BCAS3: variants seen among roughly 807,000 people sequenced by gnomAD.
BCAS3 encodes the protein BCAS3 microtubule associated cell migration factor.
A neutral mutation model predicts 116.1 loss-of-function variants in BCAS3; 53 were observed. The observed-to-expected ratio is 0.46, with a 90% CI of 0.37 to 0.57. The LOEUF is 0.57. Ranked by LOEUF, BCAS3 falls within the 20% of genes least tolerant of loss-of-function variation. The pLI is 0.00. For missense variants in BCAS3, 917 were observed against 1,165.4 expected (o/e 0.79, Z 3.10); for synonymous variants, 391 against 408.2 (o/e 0.96, Z 0.51).
intron 6 of BCAS3, among the ~76,000 whole-genome samples, chr17:60,786,097 A>T (rs1449747266): frequency 6.6e-6 from 1 of 152,218 alleles, no homozygotes; most frequent in African/African-American, 2.4e-5. Context: ...TCCCGCACAG[A>T]TACCAAGAGA....
chr17:60,756,843 G>T (rs1366251225), intron 6 of BCAS3, among the ~76,000 whole-genome samples: 1 of 152,092 alleles, frequency 6.6e-6, no homozygotes, highest in Admixed American at 6.5e-5. Flanking sequence ...CCTCCATATT[G>T]TTTTCCACAG....
In BCAS3 at chr17:60,910,696, G is replaced by C; in HGVS notation, c.987G>C (p.Glu329Asp). Residue 329 changes from glutamate to aspartate, a missense_variant, in exon 12 of 24, where the codon GAG (glutamate) becomes GAC (aspartate). This residue lies in a region of BCAS3 where 807 missense variants were observed against 1,026.0 expected (regional missense o/e 0.79). Coordinates refer to ENST00000407086, the MANE Select transcript of BCAS3 (RefSeq NM_017679.5). ...TTATTGACACCGAAACCGTTGGAGAGGGCCAGGTAAGAAGAACTTTTGGTG... is the reference window on the plus strand; with the variant it reads ...TTATTGACACCGAAACCGTTGGAGACGGCCAGGTAAGAAGAACTTTTGGTG... ...ITVIDTETVG[E>D]GQVLVSEDSD... 3 of 1,602,806 alleles carry C rather than the reference G, an allele frequency of 1.9e-6. No homozygotes were observed. The highest frequency in any genetic ancestry group is 1.7e-4 in the Middle Eastern group (1 of 6,016).
intron 5 of BCAS3, among the ~76,000 whole-genome samples, chr17:60,729,220 C>G (rs117450591): frequency 6.2e-4 from 94 of 150,908 alleles, no homozygotes; most frequent in African/African-American, 2.1e-3. Context: ...ATACCATAAT[C>G]TGTTTAGTTA....
Position 61,162,630 on chromosome 17 carries a change from A to G in BCAS3, c.2425+78066A>G, listed in dbSNP as rs746927253. Among the ~76,000 whole-genome samples the G allele has an allele frequency of 2.8e-4, 43 of 152,152 alleles. No individual in the cohort carries two copies. Among genetic ancestry groups the G allele is most frequent in the Non-Finnish European group, 5.1e-4 (35 of 68,030 alleles). ...TTTATTTTAGCAGACTTCCCCAATA[A>G]CATTTTGCAGTTTTCAGCTTTTAGT... On this transcript the variant is annotated intron_variant, in intron 22 of 23. Coordinates refer to ENST00000407086, the MANE Select transcript of BCAS3 (RefSeq NM_017679.5). This position sits in a 1 kb window ranked among gnomAD's most constrained non-coding sequence, Gnocchi z 5.6.
At chr17:60,717,152 G>A (rs1396795131) in intron 5 of BCAS3, among the ~76,000 whole-genome samples, 1 of 152,048 alleles carries the variant, frequency 6.6e-6, no homozygotes, top group Non-Finnish European at 1.5e-5. Flanking sequence ...AACACTCCAA[G>A]CCAGTACAAA....
At chr17:60,841,255 G>A (rs557854732) in intron 7 of BCAS3, among the ~76,000 whole-genome samples, 10 of 152,014 alleles carry the variant, frequency 6.6e-5, no homozygotes, top group African/African-American at 1.5e-4. Context: ...ACCCTTCTGC[G>A]TCTTTGAGGT....
chr17:60,973,310 A>G (rs796436837), intron 14 of BCAS3, among the ~76,000 whole-genome samples: 1 of 152,096 alleles, frequency 6.6e-6, no homozygotes, highest in Non-Finnish European at 1.5e-5. Flanking sequence ...GAATCCTGCA[A>G]TAGCCACCTG....
chr17:60,812,364 CAGT>C (rs374447370), intron 7 of BCAS3, among the ~76,000 whole-genome samples: 2 of 152,260 alleles, frequency 1.3e-5, no homozygotes, highest in Admixed American at 6.5e-5. Flanking sequence ...TATATCATCT[CAGT>C]AGGAGATGGG....
At chr17:60,760,004 C>T (rs1410590493) in intron 6 of BCAS3, among the ~76,000 whole-genome samples, 1 of 152,154 alleles carries the variant, frequency 6.6e-6, no homozygotes, top group African/African-American at 2.4e-5. Flanking sequence ...GCTAGTGTTG[C>T]TCACATTTAG....
At chr17:61,317,668 G>C (rs557384400) in intron 22 of BCAS3, among the ~76,000 whole-genome samples, 1 of 152,348 alleles carries the variant, frequency 6.6e-6, no homozygotes, top group African/African-American at 2.4e-5. Flanking sequence ...AGCGAGACAA[G>C]ACCGATTTGG....
At position 61,241,769 on chromosome 17, in the gene BCAS3, T is replaced by C. The variant is rs1384506385; in HGVS notation, c.2426-126558T>C. On this transcript the variant is annotated intron_variant, in intron 22 of 23. Transcript: ENST00000407086. The surrounding 1 kb of genome is among the most constrained non-coding windows in gnomAD (Gnocchi z 4.6). ...TTGGAGGTAAAATGAGTCTAAAAAA[T>C]GTACTTACCTATTTTTTCTCTACTA... Among the ~76,000 whole-genome samples the C allele has an allele frequency of 1.3e-5, 2 of 152,092 alleles. No individual in the cohort carries two copies. Among genetic ancestry groups the C allele is most frequent in the African/African-American group, 4.8e-5 (2 of 41,418 alleles).
intron 12 of BCAS3, among the ~76,000 whole-genome samples, chr17:60,913,754 A>G (rs1260297411): frequency 1.3e-5 from 2 of 152,116 alleles, no homozygotes; most frequent in Non-Finnish European, 2.9e-5. Flanking sequence ...TAGTATATAA[A>G]ATCGGATTCA....
Position 60,706,166 on chromosome 17 carries a change from A to G in BCAS3, c.215-3053A>G, listed in dbSNP as rs559151294. On this transcript the variant is annotated intron_variant, in intron 4 of 23. Transcript: ENST00000407086. Reference sequence around the variant, plus strand: ...TAACCTCCACCTCTTGGGTTCAAGCAATTCTTCTGCTTCAGCCTCCCGAGT... The same window carrying G: ...TAACCTCCACCTCTTGGGTTCAAGCGATTCTTCTGCTTCAGCCTCCCGAGT... Among the ~76,000 whole-genome samples, 18 of 152,018 alleles carry G rather than the reference A, an allele frequency of 1.2e-4. 1 individual carries two copies. The East Asian group carries it at 3.1e-3, about 26-fold the overall frequency.
At chr17:61,319,371 G>T (rs1420463346) in intron 22 of BCAS3, among the ~76,000 whole-genome samples, 1 of 152,126 alleles carries the variant, frequency 6.6e-6, no homozygotes, top group Non-Finnish European at 1.5e-5. Context: ...CTTAGAACTC[G>T]GATGTACAAT....
rs375383338 is a variant in BCAS3, at chr17:61,075,035, T to C, written c.2130+15T>C. On this transcript the variant is annotated intron_variant, in intron 20 of 23. Coordinates refer to ENST00000407086, the MANE Select transcript of BCAS3 (RefSeq NM_017679.5). The stretch of plus-strand genomic sequence containing the variant: ...GGCTTTCCCAGGTAAAACTCTGAAA[T>C]ATTGAGAGTATTAAAGTAAAATAAA... 20 of 1,557,078 alleles carry C rather than the reference T, an allele frequency of 1.3e-5. No individual in the cohort carries two copies. The highest frequency in any genetic ancestry group is 1.7e-4 in the Middle Eastern group (1 of 5,900).
intron 22 of BCAS3, among the ~76,000 whole-genome samples, chr17:61,240,595 A>C (rs760949011): frequency 6.6e-6 from 1 of 152,220 alleles, no homozygotes; most frequent in Non-Finnish European, 1.5e-5. Flanking sequence ...CAGAGGTTGC[A>C]GTGAGCTGAG....
chr17:61,143,213 A>G (rs1017676893), intron 22 of BCAS3, among the ~76,000 whole-genome samples: 9 of 152,178 alleles, frequency 5.9e-5, no homozygotes, highest in African/African-American at 2.2e-4. Context: ...TGTACTTAGT[A>G]ATTGGAGTCA....
chr17:60,920,118 T>A (rs2058995567), intron 12 of BCAS3, among the ~76,000 whole-genome samples: 1 of 152,202 alleles, frequency 6.6e-6, no homozygotes, highest in Admixed American at 6.5e-5. Flanking sequence ...GCTTTAAAAA[T>A]TTTAATGTAA....
intron 6 of BCAS3, among the ~76,000 whole-genome samples, chr17:60,805,058 TACAC>T (rs760769619): frequency 5.4e-5 from 8 of 149,456 alleles, no homozygotes; most frequent in African/African-American, 1.7e-4. Context: ...CTTAAGTAAA[TACAC>T]ACACACACAC....
Sources: allele counts gnomAD v4.1 joint callset (sites outside exome capture counted in the v4.1 genomes callset), GRCh38; gene constraint gnomAD v4.1.1; regional missense constraint gnomAD v4.1.1; non-coding constraint Gnocchi (gnomAD v3.1); transcripts MANE v1.5; gene names NCBI Gene and HGNC (gene_info 2026-07-23, HGNC 2026-07-21).